Variants in CTNNA3 observed in about 807,000 individuals in gnomAD.
CTNNA3 encodes catenin alpha 3.
Under a neutral mutation model 95.7 loss-of-function variants are expected in CTNNA3, and 76 were observed. The observed-to-expected ratio is 0.79, with a 90% CI of 0.66 to 0.96. The LOEUF is 0.96. CTNNA3 is among the 40% of genes least tolerant of loss of function. The pLI, the probability that CTNNA3 is intolerant of heterozygous loss-of-function variation, is 0.00. For missense variants in CTNNA3, 1,191 were observed against 1,089.8 expected (o/e 1.09, Z -1.31); for synonymous variants, 431 against 374.4 (o/e 1.15, Z -1.74).
chr10:67,365,515 A>G (rs1843176541), intron 5 of CTNNA3, among the ~76,000 whole-genome samples: 1 of 152,238 alleles, frequency 6.6e-6, no homozygotes. Flanking sequence ...AAAAGAACTT[A>G]AACAAATTTA....
intron 5 of CTNNA3, among the ~76,000 whole-genome samples, chr10:67,336,900 A>G (rs1186560928): frequency 6.6e-6 from 1 of 152,186 alleles, no homozygotes; most frequent in African/African-American, 2.4e-5. Context: ...CTCAGAAAAA[A>G]GATTCCTTTC....
chr10:66,982,837 C>A (rs1013224013), intron 7 of CTNNA3, among the ~76,000 whole-genome samples: 7 of 152,048 alleles, frequency 4.6e-5, no homozygotes, highest in African/African-American at 1.7e-4. Context: ...ACATTAGGGA[C>A]CCTAAGAGAG....
chr10:67,654,846 G>A (rs963622370), intron 1 of CTNNA3, among the ~76,000 whole-genome samples: 6 of 152,050 alleles, frequency 3.9e-5, no homozygotes, highest in African/African-American at 1.4e-4. Context: ...TGATTTCCAT[G>A]CAAGAGTGTG....
intron 17 of CTNNA3, among the ~76,000 whole-genome samples, chr10:65,944,182 AC>A (rs905189709): frequency 2.4e-4 from 36 of 152,188 alleles, no homozygotes; most frequent in African/African-American, 8.7e-4. Flanking sequence ...CTTTCAAATC[AC>A]CCTTCCCAAA....
intron 5 of CTNNA3, among the ~76,000 whole-genome samples, chr10:67,274,565 C>A (rs1406786776): frequency 1.3e-4 from 20 of 152,140 alleles, no homozygotes. Flanking sequence ...CAGTGGCTCA[C>A]ACCTGTAATC....
At chr10:67,124,044 G>A (rs1376051647) in intron 7 of CTNNA3, among the ~76,000 whole-genome samples, 1 of 151,972 alleles carries the variant, frequency 6.6e-6, no homozygotes, top group Non-Finnish European at 1.5e-5. Flanking sequence ...CAAATTCTGA[G>A]GCCCCAGCCC....
chr10:66,771,780 G>C (rs1233847711), intron 8 of CTNNA3, among the ~76,000 whole-genome samples: 2 of 152,282 alleles, frequency 1.3e-5, no homozygotes, highest in Non-Finnish European at 1.5e-5. Context: ...TTTAGTAAAT[G>C]AGAGATGTTG....
intron 7 of CTNNA3, among the ~76,000 whole-genome samples, chr10:67,143,512 T>C (rs1330210103): frequency 6.6e-6 from 1 of 151,390 alleles, no homozygotes; most frequent in African/African-American, 2.4e-5. Flanking sequence ...TTCAAAATTG[T>C]AGTCAATCCT....
At chr10:67,296,934 CAAAAAAA>C (rs1210482029) in intron 5 of CTNNA3, among the ~76,000 whole-genome samples, 209 of 17,652 alleles carry the variant, frequency 0.012, 1 homozygote, top group South Asian at 0.027. Context: ...AACGCTGTCT[CAAAAAAA>C]AAAAAAAAAA....
intron 13 of CTNNA3, among the ~76,000 whole-genome samples, chr10:66,241,958 T>C (rs1416013305): frequency 6.6e-6 from 1 of 152,148 alleles, no homozygotes; most frequent in East Asian, 1.9e-4. Flanking sequence ...CTGTTTTAAT[T>C]ATTATTATTT....
chr10:66,171,966 C>G (rs1161668209), intron 13 of CTNNA3, among the ~76,000 whole-genome samples: 1 of 152,132 alleles, frequency 6.6e-6, no homozygotes, highest in African/African-American at 2.4e-5. Context: ...TCTAATATCT[C>G]ATATGAATTT....
At chr10:67,029,907 A>T (rs1853617027) in intron 7 of CTNNA3, among the ~76,000 whole-genome samples, 1 of 152,244 alleles carries the variant, frequency 6.6e-6, no homozygotes, top group African/African-American at 2.4e-5. Flanking sequence ...GACAATCCAG[A>T]TATAGAACAG....
intron 1 of CTNNA3, among the ~76,000 whole-genome samples, chr10:67,709,033 G>T (rs936688650): frequency 1.3e-5 from 2 of 151,656 alleles, no homozygotes; most frequent in African/African-American, 2.4e-5. Flanking sequence ...TTATATAAAT[G>T]ATCAGGCATA....
chr10:66,725,009 G>T (rs1848737826), intron 9 of CTNNA3, among the ~76,000 whole-genome samples: 2 of 152,036 alleles, frequency 1.3e-5, no homozygotes, highest in African/African-American at 4.8e-5. Flanking sequence ...TGTAGTATAT[G>T]CACAAAACCT....
chr10:67,380,042 A>T (rs1843874609), intron 5 of CTNNA3, among the ~76,000 whole-genome samples: 1 of 149,394 alleles, frequency 6.7e-6, no homozygotes, highest in Admixed American at 6.6e-5. Context: ...AAAAAAAAAA[A>T]AGAATTAGTC....
At chr10:67,373,588 T>C (rs746339119) in intron 5 of CTNNA3, among the ~76,000 whole-genome samples, 9 of 152,066 alleles carry the variant, frequency 5.9e-5, no homozygotes, top group Non-Finnish European at 1.3e-4. Context: ...TTAACAAAGA[T>C]ATCCAGGAAT....
chr10:66,579,034 G>C (rs71493983), intron 10 of CTNNA3, among the ~76,000 whole-genome samples: 1 of 149,454 alleles, frequency 6.7e-6, no homozygotes, highest in Non-Finnish European at 1.5e-5. Context: ...TTATTGGTCT[G>C]TTCAGGATTT....
intron 10 of CTNNA3, among the ~76,000 whole-genome samples, chr10:66,550,025 A>C (rs1842166879): frequency 6.6e-6 from 1 of 152,292 alleles, no homozygotes; most frequent in East Asian, 1.9e-4. Context: ...TGTTCTATTT[A>C]TTGCTGACGT....
intron 13 of CTNNA3, among the ~76,000 whole-genome samples, chr10:66,213,853 G>C (rs1026566470): frequency 1.3e-5 from 2 of 152,140 alleles, no homozygotes; most frequent in Non-Finnish European, 2.9e-5. Context: ...TTGGCCCCTA[G>C]CCATACCTGA....
Sources: allele counts gnomAD v4.1 joint callset (sites outside exome capture counted in the v4.1 genomes callset), GRCh38; gene constraint gnomAD v4.1.1; transcripts MANE v1.5; gene names NCBI Gene and HGNC (gene_info 2026-07-23, HGNC 2026-07-21).